Variants in ARFGEF1 observed in about 807,000 individuals in gnomAD.
ARFGEF1 encodes brefeldin A-inhibited guanine nucleotide-exchange protein 1.
ARFGEF1 carries 42 observed loss-of-function variants against 231.0 expected under a neutral mutation model. That is an observed-to-expected ratio of 0.18 (90% CI 0.14 to 0.24). ARFGEF1 has a LOEUF of 0.24. Among genes scored for constraint, ARFGEF1 ranks in the 10% least tolerant of loss-of-function variants. The pLI is 1.00. For missense variants in ARFGEF1, 1,345 were observed against 2,192.0 expected (o/e 0.61, Z 7.72); for synonymous variants, 710 against 732.3 (o/e 0.97, Z 0.49).
downstream of ARFGEF1, chr8:67,193,497 C>G: frequency 1.9e-6 from 3 of 1,613,140 alleles, no homozygotes; most frequent in Non-Finnish European, 2.5e-6. Flanking sequence ...ACCAGATGGT[C>G]TCTCTCTAAA....
chr8:67,252,901 C>T (rs947727526), intron 18 of ARFGEF1, among the ~76,000 whole-genome samples: 5 of 152,016 alleles, frequency 3.3e-5, no homozygotes, highest in Non-Finnish European at 7.4e-5. Context: ...AAAAGATGAA[C>T]AAATGGAAAT....
chr8:67,340,357 T>C (rs1370136858), intron 1 of ARFGEF1, among the ~76,000 whole-genome samples: 2 of 151,262 alleles, frequency 1.3e-5, no homozygotes, highest in African/African-American at 4.8e-5. Flanking sequence ...ACCTACCCAC[T>C]CACAATCTAT....
intron 1 of ARFGEF1, among the ~76,000 whole-genome samples, chr8:67,342,175 T>G (rs1393003634): frequency 6.6e-6 from 1 of 152,226 alleles, no homozygotes; most frequent in Non-Finnish European, 1.5e-5. Flanking sequence ...CTATAAAGTG[T>G]AAACATTAGG....
chr8:67,314,881 T>C (rs1341774525), intron 1 of ARFGEF1, among the ~76,000 whole-genome samples: 1 of 151,958 alleles, frequency 6.6e-6, no homozygotes, highest in Non-Finnish European at 1.5e-5. Flanking sequence ...TAAAAAAATT[T>C]AAAAATTAGC....
At chr8:67,328,950 G>A (rs1440221212) in intron 1 of ARFGEF1, among the ~76,000 whole-genome samples, 1 of 152,162 alleles carries the variant, frequency 6.6e-6, no homozygotes, top group Admixed American at 6.5e-5. Flanking sequence ...TCAGGGCCAG[G>A]CCCAGTAGCC....
At chr8:67,325,080 A>G (rs532965800) in intron 1 of ARFGEF1, among the ~76,000 whole-genome samples, 1 of 152,152 alleles carries the variant, frequency 6.6e-6, no homozygotes, top group African/African-American at 2.4e-5. Flanking sequence ...TGCCCGGCTA[A>G]TTTTGTATTT....
At chr8:67,274,009 G>C (rs1324410803) in intron 9 of ARFGEF1, among the ~76,000 whole-genome samples, 1 of 151,940 alleles carries the variant, frequency 6.6e-6, no homozygotes, top group African/African-American at 2.4e-5. Flanking sequence ...AAAATATCTT[G>C]TACACTGTAC....
In ARFGEF1 at chr8:67,291,997, G is replaced by T; in HGVS notation, c.766C>A (p.His256Asn). Residue 256 changes from histidine (H) to asparagine (N), a missense_variant, in exon 6 of 39, where the codon CAT becomes AAT. His to Asn is a moderately conservative substitution (Grantham distance 68). Transcript: ENST00000262215. Reference protein sequence around the residue: ...LRYLPPQTVDHISQEHEGDLD... With the variant: ...LRYLPPQTVDNISQEHEGDLD... ...TCCCCTTCGTGTTCTTGGGATATAT[G>T]ATCAACAGTCTGAGGTGGCAAATAT... The T allele has an allele frequency of 6.2e-7, 1 of 1,613,958 alleles. No homozygotes were observed. Among genetic ancestry groups the T allele is most frequent in the Non-Finnish European group, 8.5e-7 (1 of 1,179,902 alleles).
At chr8:67,274,687 A>G (rs1251196909) in intron 9 of ARFGEF1, among the ~76,000 whole-genome samples, 1 of 152,080 alleles carries the variant, frequency 6.6e-6, no homozygotes, top group Non-Finnish European at 1.5e-5. Context: ...GCATTCTTTC[A>G]AATCACAATT....
At chr8:67,291,136 G>A (rs1805989262) in intron 6 of ARFGEF1, among the ~76,000 whole-genome samples, 1 of 151,976 alleles carries the variant, frequency 6.6e-6, no homozygotes, top group Non-Finnish European at 1.5e-5. Flanking sequence ...GCTAAGGAAG[G>A]GCAAAGGGAG....
At chr8:67,299,896 G>C (rs1432586759) in intron 3 of ARFGEF1, among the ~76,000 whole-genome samples, 1 of 152,054 alleles carries the variant, frequency 6.6e-6, no homozygotes, top group Non-Finnish European at 1.5e-5. Flanking sequence ...TGAGCCTTGG[G>C]AGGTGGAGGT....
chr8:67,185,884 A>T (rs763295887), intron 5 of ARFGEF1, among the ~76,000 whole-genome samples: 1 of 152,222 alleles, frequency 6.6e-6, no homozygotes, highest in Non-Finnish European at 1.5e-5. Context: ...CAAGATCAAA[A>T]GGACAAGAAT....
In ARFGEF1 at chr8:67,213,282, G is replaced by A. The variant is rs1490312865; in HGVS notation, c.4687-1667C>T. Among the ~76,000 whole-genome samples the A allele has an allele frequency of 5.9e-5, 9 of 152,144 alleles. No homozygotes were observed. In the South Asian group the frequency reaches 1.9e-3, roughly 31 times the overall value. ...CAGCCTCCTGGCTTTAAAATTCAAA[G>A]GTATTATTGGGAGAACAGTACAAAT... On this transcript the variant is annotated intron_variant, in intron 33 of 38. Coordinates refer to ENST00000262215, the MANE Select transcript of ARFGEF1 (RefSeq NM_006421.5).
intron 7 of ARFGEF1, among the ~76,000 whole-genome samples, chr8:67,280,021 T>G (rs1003120454): frequency 6.6e-6 from 1 of 152,212 alleles, no homozygotes; most frequent in Non-Finnish European, 1.5e-5. Context: ...GATGTACTTT[T>G]AATGATGCTG....
chr8:67,227,871 T>C, intron 25 of ARFGEF1, 92 bp downstream of exon 25: 6 of 1,102,130 alleles, frequency 5.4e-6, no homozygotes, highest in Non-Finnish European at 7.3e-6. Context: ...AAATAATTGC[T>C]TGGAAGGGAA....
chr8:67,186,918 A>G (rs928738033), intron 5 of ARFGEF1, among the ~76,000 whole-genome samples: 4 of 152,174 alleles, frequency 2.6e-5, no homozygotes, highest in African/African-American at 9.7e-5. Context: ...AAAACACAAT[A>G]CCACTTACAT....
chr8:67,195,620 G>GGACCCA, downstream of ARFGEF1: 1 of 1,590,852 alleles, frequency 6.3e-7, no homozygotes, highest in Non-Finnish European at 8.6e-7. Flanking sequence ...ACCCAGTAGT[G>GGACCCA]CCTTTTAAGG....
intron 22 of ARFGEF1, among the ~76,000 whole-genome samples, chr8:67,236,744 A>C (rs1372757820): frequency 6.6e-6 from 1 of 152,132 alleles, no homozygotes; most frequent in Non-Finnish European, 1.5e-5. Flanking sequence ...GCATAAAATA[A>C]GTGTTACTGG....
chr8:67,264,816 G>A (rs1804782926), intron 14 of ARFGEF1, among the ~76,000 whole-genome samples: 1 of 152,056 alleles, frequency 6.6e-6, no homozygotes, highest in African/African-American at 2.4e-5. Flanking sequence ...TTCAAAATAA[G>A]TACCTTGGCA....
Sources: gnomAD v4.1 joint callset for allele counts (sites outside exome capture counted in the v4.1 genomes callset) on GRCh38, gnomAD v4.1.1 for gene constraint, MANE v1.5 for transcripts, NCBI Gene and HGNC (gene_info 2026-07-23, HGNC 2026-07-21) for gene names.